Variants in ERC2 observed in about 807,000 individuals in gnomAD.
ERC2 encodes the protein ELKS/RAB6-interacting/CAST family member 2.
A neutral mutation model predicts 114.8 loss-of-function variants in ERC2; 42 were observed. The ratio of observed to expected loss-of-function variants is 0.37; its 90% CI spans 0.29 to 0.47. The LOEUF (loss-of-function observed/expected upper bound fraction) is 0.47. Among genes scored for constraint, ERC2 ranks in the 20% least tolerant of loss-of-function variants. The pLI, the probability that ERC2 is intolerant of heterozygous loss-of-function variation, is 0.99. For synonymous variants in ERC2, 454 were observed against 425.5 expected (o/e 1.07, Z -0.82); for missense variants, 939 against 1,150.7 (o/e 0.82, Z 2.66).
chr3:56,327,625 G>T (rs2057423333), intron 2 of ERC2, among the ~76,000 whole-genome samples: 1 of 152,136 alleles, frequency 6.6e-6, no homozygotes, highest in African/African-American at 2.4e-5. Context: ...GCAATGAGCT[G>T]AGATCATACC....
intron 17 of ERC2, among the ~76,000 whole-genome samples, chr3:55,668,008 C>T (rs2061420034): frequency 6.6e-6 from 1 of 152,212 alleles, no homozygotes; most frequent in Non-Finnish European, 1.5e-5. Flanking sequence ...CCTGCCACCC[C>T]ACCCCCAGCC....
At chr3:55,838,304 G>A (rs1458350946) in intron 14 of ERC2, among the ~76,000 whole-genome samples, 1 of 151,892 alleles carries the variant, frequency 6.6e-6, no homozygotes, top group Non-Finnish European at 1.5e-5. Flanking sequence ...CAAATTCTGT[G>A]TCATAGAGCA....
chr3:55,512,427 T>C (rs2052151556), intron 17 of ERC2, among the ~76,000 whole-genome samples: 1 of 152,240 alleles, frequency 6.6e-6, no homozygotes, highest in African/African-American at 2.4e-5. Flanking sequence ...GCAAACTTTG[T>C]ATGAAAATTG....
At chr3:56,320,256 A>C (rs1164666927) in intron 2 of ERC2, among the ~76,000 whole-genome samples, 1 of 152,242 alleles carries the variant, frequency 6.6e-6, no homozygotes, top group Non-Finnish European at 1.5e-5. Flanking sequence ...ACAAGGACTA[A>C]GATGACAGCC....
intron 7 of ERC2, among the ~76,000 whole-genome samples, chr3:56,026,384 T>C (rs971862019): frequency 3.9e-5 from 6 of 152,282 alleles, no homozygotes; most frequent in Middle Eastern, 3.4e-3. Context: ...TCTCCATTCT[T>C]AAGCAACATA....
intron 13 of ERC2, among the ~76,000 whole-genome samples, chr3:55,899,267 G>T (rs1457321839): frequency 6.6e-6 from 1 of 152,086 alleles, no homozygotes; most frequent in East Asian, 1.9e-4. Flanking sequence ...TTGATCTGAT[G>T]ATTCTACTTT....
intron 14 of ERC2, among the ~76,000 whole-genome samples, chr3:55,883,432 A>G (rs1369901364): frequency 6.6e-6 from 1 of 152,174 alleles, no homozygotes; most frequent in East Asian, 1.9e-4. Context: ...TGTAAGTATA[A>G]AAGGATAGTA....
chr3:55,655,596 C>A (rs564220365), intron 17 of ERC2, among the ~76,000 whole-genome samples: 1 of 152,314 alleles, frequency 6.6e-6, no homozygotes, highest in Admixed American at 6.5e-5. Flanking sequence ...CTAACCAAGC[C>A]TCCCTGGCCC....
chr3:56,170,697 A>C (rs571972560), intron 4 of ERC2, among the ~76,000 whole-genome samples: 74 of 147,990 alleles, frequency 5.0e-4, no homozygotes, highest in African/African-American at 1.8e-3. Flanking sequence ...CCAGGGTTCA[A>C]GTGATTCTCC....
intron 7 of ERC2, among the ~76,000 whole-genome samples, chr3:56,040,807 T>C (rs980840812): frequency 6.7e-6 from 1 of 148,682 alleles, no homozygotes; most frequent in African/African-American, 2.5e-5. Context: ...TATAGAGAGA[T>C]ACATATAGAT....
chr3:56,017,428 G>C (rs1238521123), intron 8 of ERC2, among the ~76,000 whole-genome samples: 1 of 152,094 alleles, frequency 6.6e-6, no homozygotes, highest in African/African-American at 2.4e-5. Context: ...CCCCTTAAAT[G>C]TAAGTCAGAA....
chr3:56,188,004 G>A (rs2083731737), intron 3 of ERC2, among the ~76,000 whole-genome samples: 1 of 152,150 alleles, frequency 6.6e-6, no homozygotes, highest in Admixed American at 6.5e-5. Context: ...TGGGGAACGT[G>A]GTCAAGGCAG....
intron 2 of ERC2, among the ~76,000 whole-genome samples, chr3:56,429,187 A>C (rs1216976781): frequency 6.6e-6 from 1 of 152,242 alleles, no homozygotes; most frequent in Non-Finnish European, 1.5e-5. Context: ...TAAAGATATA[A>C]AGAAAAGATA....
Position 56,104,184 on chromosome 3 carries a change from G to GAA in ERC2, c.1474-23202_1474-23201dup, listed in dbSNP as rs111607541. 1.1e-4 allele frequency among the ~76,000 whole-genome samples: 16 copies of GAA among 147,254 alleles called. No individual in the cohort carries two copies. In the East Asian group the frequency reaches 1.2e-3, roughly 11 times the overall value. On this transcript the variant is annotated intron_variant, in intron 6 of 17. Coordinates refer to ENST00000288221, the MANE Select transcript of ERC2 (RefSeq NM_015576.3). ...GTTTGTTCCAGCAAATCTTTGCCCA[G>GAA]AAAAAAAAAAATCATTATTTGCTCC... is the stretch of plus-strand genomic sequence containing the variant.
intron 3 of ERC2, among the ~76,000 whole-genome samples, chr3:56,286,639 G>A (rs1238855080): frequency 2.0e-5 from 3 of 151,906 alleles, no homozygotes; most frequent in Non-Finnish European, 4.4e-5. Flanking sequence ...CATTTAAAGA[G>A]GCAGATAGTA....
chr3:55,696,817 C>T (rs748262637), intron 16 of ERC2, among the ~76,000 whole-genome samples: 20 of 152,156 alleles, frequency 1.3e-4, no homozygotes, highest in Non-Finnish European at 2.6e-4. Context: ...GAGATATAGC[C>T]ATCTCCAGCA....
intron 17 of ERC2, among the ~76,000 whole-genome samples, chr3:55,539,926 ATTTT>A (rs58377855): frequency 7.7e-6 from 1 of 130,124 alleles, no homozygotes; most frequent in African/African-American, 2.7e-5. Flanking sequence ...TCCTGTGGGG[ATTTT>A]TTTTTTTTTT....
intron 2 of ERC2, among the ~76,000 whole-genome samples, chr3:56,306,680 C>T (rs193168531): frequency 6.6e-5 from 10 of 152,210 alleles, no homozygotes; most frequent in East Asian, 1.9e-4. Flanking sequence ...AATTTACATA[C>T]GTGTTCTTTT....
intron 17 of ERC2, among the ~76,000 whole-genome samples, chr3:55,519,355 A>G (rs1452046953): frequency 1.3e-5 from 2 of 152,212 alleles, no homozygotes; most frequent in Non-Finnish European, 2.9e-5. Flanking sequence ...ACATCATCTG[A>G]AATGTAGCCC....
Sources: gnomAD v4.1 joint callset for allele counts (sites outside exome capture counted in the v4.1 genomes callset) on GRCh38, gnomAD v4.1.1 for gene constraint, MANE v1.5 for transcripts, NCBI Gene and HGNC (gene_info 2026-07-23, HGNC 2026-07-21) for gene names.